RORA: variants seen among roughly 807,000 people sequenced by gnomAD.
The protein encoded by RORA is nuclear receptor ROR-alpha.
Under a neutral mutation model 69.5 loss-of-function variants are expected in RORA, and 7 were observed. The ratio of observed to expected loss-of-function variants is 0.10; its 90% CI spans 0.06 to 0.19. The LOEUF (loss-of-function observed/expected upper bound fraction) is 0.19. Ranked by LOEUF, RORA falls within the 10% of genes least tolerant of loss-of-function variation. The pLI, the probability that RORA is intolerant of heterozygous loss-of-function variation, is 1.00. For missense variants in RORA, 457 were observed against 663.0 expected (o/e 0.69, Z 3.41); for synonymous variants, 261 against 240.8 (o/e 1.08, Z -0.78).
At chr15:60,514,952 T>A (rs1383420800) in intron 3 of RORA, among the ~76,000 whole-genome samples, 195 bp from the exon 4 acceptor site, 1 of 152,170 alleles carries the variant, frequency 6.6e-6, no homozygotes, top group Non-Finnish European at 1.5e-5. Flanking sequence ...CAGAGCCTAA[T>A]CCTCCATCCC....
rs114245982 is a variant in RORA at position 60,510,207 on chromosome 15, T to C, written c.820+1019A>G. ...ACTTAGTCATCTCCACAGCAACTAA[T>C]TGACATATCCCAAAGGATTATAACC... On this transcript the variant is annotated intron_variant, in intron 5 of 10. Transcript: ENST00000335670. Among the ~76,000 whole-genome samples, 789 of 152,314 alleles carry C rather than the reference T, an allele frequency of 5.2e-3. 7 individuals carry two copies. Among genetic ancestry groups the C allele is most frequent in the African/African-American group, 0.018 (760 of 41,562 alleles).
chr15:60,632,299 G>C (rs1471207161), intron 2 of RORA, among the ~76,000 whole-genome samples: 1 of 151,898 alleles, frequency 6.6e-6, no homozygotes, highest in African/African-American at 2.4e-5. Context: ...GTAGAGACGG[G>C]GGTTTCACCG....
At chr15:60,825,710 A>G (rs909388409) in intron 1 of RORA, among the ~76,000 whole-genome samples, 2 of 152,220 alleles carry the variant, frequency 1.3e-5, no homozygotes, top group Non-Finnish European at 2.9e-5. Flanking sequence ...TGACTCTCCC[A>G]GAACCTCCTC....
intron 1 of RORA, among the ~76,000 whole-genome samples, chr15:60,873,168 G>C (rs2073575577): frequency 6.6e-6 from 1 of 151,946 alleles, no homozygotes; most frequent in South Asian, 2.1e-4. Context: ...CTCAGATTCT[G>C]ACTCTCTCCC....
At chr15:61,150,995 A>G (rs17303481) in intron 1 of RORA, among the ~76,000 whole-genome samples, 12,562 of 152,304 alleles carry the variant, frequency 0.082, 836 homozygotes, top group South Asian at 0.24. Flanking sequence ...GAATACAGGT[A>G]TTGGAACTTC....
At chr15:61,138,464 C>T (rs578071233) in intron 1 of RORA, among the ~76,000 whole-genome samples, 19 of 152,230 alleles carry the variant, frequency 1.2e-4, no homozygotes, top group East Asian at 1.9e-4. Flanking sequence ...CCCAGGGTTA[C>T]GAAGACCACT....
intron 1 of RORA, among the ~76,000 whole-genome samples, chr15:61,169,524 G>C (rs1263050467): frequency 1.3e-5 from 2 of 151,628 alleles, no homozygotes; most frequent in East Asian, 1.9e-4. Context: ...TCCTCACACG[G>C]GACGTAAACA....
intron 1 of RORA, among the ~76,000 whole-genome samples, chr15:61,002,304 T>C (rs938393271): frequency 6.6e-6 from 1 of 152,142 alleles, no homozygotes; most frequent in Admixed American, 6.6e-5. Context: ...CTGCAGCATA[T>C]GAACCAATAA....
chr15:61,004,642 G>A (rs74431886), intron 1 of RORA, among the ~76,000 whole-genome samples: 3,273 of 152,184 alleles, frequency 0.022, 112 homozygotes, highest in African/African-American at 0.074. Flanking sequence ...ATACACACCC[G>A]TTCTAGGGAA....
At chr15:60,694,721 G>A (rs2070877610) in intron 1 of RORA, among the ~76,000 whole-genome samples, 2 of 152,132 alleles carry the variant, frequency 1.3e-5, no homozygotes, top group South Asian at 2.1e-4. Context: ...GTGTTCCCTT[G>A]TCTTTGCTTT....
At chr15:60,562,352 C>T (rs1353588449) in intron 2 of RORA, among the ~76,000 whole-genome samples, 2 of 152,008 alleles carry the variant, frequency 1.3e-5, no homozygotes, top group African/African-American at 2.4e-5. Flanking sequence ...CCTCTTGCCT[C>T]AGCTTCCTGA....
intron 1 of RORA, among the ~76,000 whole-genome samples, chr15:60,815,356 T>A (rs1284998778): frequency 6.6e-6 from 1 of 152,170 alleles, no homozygotes; most frequent in Non-Finnish European, 1.5e-5. Flanking sequence ...AAGGGAGCAT[T>A]GCCTGGTGAT....
chr15:61,170,471 C>T (rs1023822677), intron 1 of RORA, among the ~76,000 whole-genome samples: 1 of 152,162 alleles, frequency 6.6e-6, no homozygotes, highest in Non-Finnish European at 1.5e-5. Flanking sequence ...TGTAATTACA[C>T]TGAGCTCGCC....
chr15:61,028,704 G>T (rs1231223736), intron 1 of RORA, among the ~76,000 whole-genome samples: 1 of 152,204 alleles, frequency 6.6e-6, no homozygotes, highest in Non-Finnish European at 1.5e-5. Context: ...AAGTGATGCT[G>T]AATTCAATAT....
intron 2 of RORA, among the ~76,000 whole-genome samples, chr15:60,599,025 C>T (rs181106280): frequency 3.3e-4 from 50 of 152,238 alleles, no homozygotes; most frequent in East Asian, 7.7e-4. Context: ...GGAAAATAAA[C>T]GCAATGCTTA....
intron 1 of RORA, among the ~76,000 whole-genome samples, chr15:60,807,575 T>C (rs1032539222): frequency 2.0e-5 from 3 of 151,892 alleles, no homozygotes; most frequent in Non-Finnish European, 4.4e-5. Flanking sequence ...GAAAAAACAA[T>C]CTTAAAATTC....
chr15:60,785,769 G>A lies in RORA; in HGVS notation c.167-107083C>T, dbSNP rs140259422. On this transcript the variant is annotated intron_variant, in intron 1 of 10. Coordinates refer to ENST00000335670, the MANE Select transcript of RORA (RefSeq NM_134261.3). The stretch of plus-strand genomic sequence containing the variant: ...TCATGTTTCCGATCATCGCTTCCTC[G>A]GGGAAGCATTCCTCCCCTCCATATT... Among the ~76,000 whole-genome samples the A allele has an allele frequency of 2.4e-4, 36 of 152,248 alleles. 1 individual carries two copies. The highest frequency in any genetic ancestry group is 2.1e-4 in the South Asian group (1 of 4,812).
intron 1 of RORA, among the ~76,000 whole-genome samples, chr15:60,936,844 C>T (rs1241867867): frequency 3.3e-5 from 5 of 152,164 alleles, no homozygotes; most frequent in South Asian, 2.1e-4. Flanking sequence ...AATGTCCAGT[C>T]GTTGAGGACT....
intron 2 of RORA, among the ~76,000 whole-genome samples, chr15:60,570,301 A>G (rs17270243): frequency 0.19 from 28,789 of 152,010 alleles, 3,038 homozygotes; most frequent in Non-Finnish European, 0.24. Flanking sequence ...GCTTAAAACC[A>G]TGGACAGTAT....
Sources: allele counts gnomAD v4.1 joint callset (sites outside exome capture counted in the v4.1 genomes callset), GRCh38; gene constraint gnomAD v4.1.1; transcripts MANE v1.5; gene names NCBI Gene and HGNC (gene_info 2026-07-23, HGNC 2026-07-21).